The following CXCL9 variants were observed in gnomAD, a reference collection of about 807,000 sequenced individuals.
CXCL9 encodes C-X-C motif chemokine 9.
Under a neutral mutation model 11.7 loss-of-function variants are expected in CXCL9, and 8 were observed. The ratio of observed to expected loss-of-function variants is 0.68; its 90% CI spans 0.40 to 1.23. CXCL9 has a LOEUF of 1.23. Ranked by LOEUF, CXCL9 falls within the 50% of genes most tolerant of loss-of-function variation. The pLI is 0.01. For missense variants in CXCL9, 133 were observed against 141.7 expected (o/e 0.94, Z 0.31); for synonymous variants, 43 against 48.2 (o/e 0.89, Z 0.45).
chr4:76,006,560 C>T (rs974126547), intron 1 of CXCL9, among the ~76,000 whole-genome samples: 8 of 152,170 alleles, frequency 5.3e-5, no homozygotes, highest in African/African-American at 1.9e-4. Flanking sequence ...ACTACCACAC[C>T]GTAAGTCCGT....
Position 76,002,386 on chromosome 4 carries a change from T to A in CXCL9, c.*1212A>T, listed in dbSNP as rs909423934. The A allele has an allele frequency of 1.3e-5, 5 of 398,582 alleles. No individual in the cohort carries two copies. The highest frequency in any genetic ancestry group is 2.2e-5 in the Non-Finnish European group (5 of 226,026). 24.7% of individuals were successfully genotyped at this position (398,582 alleles called of 1,614,324 possible). On this transcript the variant is annotated 3_prime_UTR_variant, in exon 4 of 4. Transcript: ENST00000264888. ...ACATCCTGTCATAAAAAGACAAGGATGTTGCATCATCCCTGGTCCCTGTAG... is the reference window on the plus strand; with the variant it reads ...ACATCCTGTCATAAAAAGACAAGGAAGTTGCATCATCCCTGGTCCCTGTAG...
At position 76,004,490 on chromosome 4, in the gene CXCL9, A is replaced by G. The variant is rs149310759; in HGVS notation, c.276+319T>C. Among the ~76,000 whole-genome samples, 230 of 152,316 alleles carry G rather than the reference A, an allele frequency of 1.5e-3. 3 individuals are homozygous for G. Among genetic ancestry groups the G allele is most frequent in the African/African-American group, 5.1e-3 (212 of 41,558 alleles). On this transcript the variant is annotated intron_variant, in intron 3 of 3. Coordinates refer to ENST00000264888, the MANE Select transcript of CXCL9 (RefSeq NM_002416.3). ...TTGTACCATAATTATTAGCATATGC[A>G]CTACAACAGGAAGGGACTATACCTT...
chr4:76,003,120 T>A lies in CXCL9; in HGVS notation c.*478A>T, dbSNP rs1158063146. On this transcript the variant is annotated 3_prime_UTR_variant, in exon 4 of 4. Coordinates refer to ENST00000264888, the MANE Select transcript of CXCL9 (RefSeq NM_002416.3). ...ATTGTGTGTGAGGCCTGTAGGCTGATTCAAATACAGAGGTTGATGGCCACA... is the reference window on the plus strand; with the variant it reads ...ATTGTGTGTGAGGCCTGTAGGCTGAATCAAATACAGAGGTTGATGGCCACA... 3 of 155,468 alleles carry A rather than the reference T, an allele frequency of 1.9e-5. No individual in the cohort carries two copies. The highest frequency in any genetic ancestry group is 7.2e-5 in the African/African-American group (3 of 41,480). The allele number at this position is 155,468 out of a possible 1,614,324, so 9.6% of individuals were successfully genotyped here.
At chr4:76,005,051 T>G (rs1190098586) in intron 2 of CXCL9, 158 bp from the exon 3 acceptor site, 18 of 1,183,302 alleles carry the variant, frequency 1.5e-5, no homozygotes, top group Non-Finnish European at 1.9e-5. Flanking sequence ...TGAATTTTTT[T>G]TTTTTTCTTT....
rs747909938 is a variant in CXCL9, at chr4:76,007,460, TG to T, written c.-12del. On this transcript the variant is annotated 5_prime_UTR_variant, in exon 1 of 4. Coordinates refer to ENST00000264888, the MANE Select transcript of CXCL9 (RefSeq NM_002416.3). ...ACCACTTTTCTTCATAGTGATAGAATGGAGTTCCAAGTCACTCCTGTATTGG... is the reference window on the plus strand; with the variant it reads ...ACCACTTTTCTTCATAGTGATAGAATGAGTTCCAAGTCACTCCTGTATTGG... The T allele has an allele frequency of 2.0e-6, 3 of 1,531,314 alleles. No individual in the cohort carries two copies. In the East Asian group the frequency reaches 6.7e-5, roughly 34 times the overall value. 94.9% of individuals were successfully genotyped at this position (1,531,314 alleles called of 1,614,324 possible). A position where few individuals can be genotyped will look rare whatever the true frequency, so the allele number is the denominator to read the frequency against.
intron 2 of CXCL9, chr4:76,005,841 T>C (rs1731574584): frequency 4.2e-6 from 1 of 236,034 alleles, no homozygotes; most frequent in African/African-American, 2.3e-5. Flanking sequence ...TAGAAAACTG[T>C]ATACTAAGGG....
chr4:76,006,343 T>C (rs929733163), intron 1 of CXCL9, 69 bp from the exon 2 acceptor site: 2 of 1,463,186 alleles, frequency 1.4e-6, no homozygotes, highest in Admixed American at 1.9e-5. Context: ...TCTATCAAAA[T>C]GATACACTTG....
In CXCL9 at chr4:76,001,667, C is replaced by T. The variant is rs1164514683; in HGVS notation, c.*1931G>A. 1 of 152,116 alleles carries T rather than the reference C, an allele frequency of 6.6e-6. No homozygotes were observed. The highest frequency in any genetic ancestry group is 1.5e-5 in the Non-Finnish European group (1 of 68,042). 9.4% of individuals were successfully genotyped at this position (152,116 alleles called of 1,614,324 possible). A position where few individuals can be genotyped will look rare whatever the true frequency, so the allele number is the denominator to read the frequency against. On this transcript the variant is annotated 3_prime_UTR_variant, in exon 4 of 4. Coordinates refer to ENST00000264888, the MANE Select transcript of CXCL9 (RefSeq NM_002416.3). The stretch of plus-strand genomic sequence containing the variant: ...GTAGTCTTTGGTTGTTAGTTATATA[C>T]TGTCTACCTGTGAGATGCAAGGTAA...
chr4:76,006,116 G>C, intron 2 of CXCL9, 32 bp downstream of exon 2: 1 of 1,599,338 alleles, frequency 6.3e-7, no homozygotes, highest in South Asian at 1.1e-5. Flanking sequence ...TTGCCAATAT[G>C]GTGCATGCAT....
In CXCL9 at chr4:76,004,849, G is replaced by C. The variant is rs769576198; in HGVS notation, c.236C>G (p.Ser79Ter). 2 of 1,609,756 alleles carry C rather than the reference G, an allele frequency of 1.2e-6. No homozygotes were observed. The highest frequency in any genetic ancestry group is 1.7e-5 in the Admixed American group (1 of 59,306). Residue 79 changes from serine to a stop codon, truncating the protein, a stop_gained, in exon 3 of 4, where the codon TCA becomes TGA. Transcript: ENST00000264888. LOFTEE classifies it low-confidence loss of function (END_TRUNC). Reference sequence around the variant, plus strand: ...TTTAATCAGTTCCTTCACATCTGCTGAATCTGGGTTTAGACATGTTTGAAC... The same window carrying C: ...TTTAATCAGTTCCTTCACATCTGCTCAATCTGGGTTTAGACATGTTTGAAC... ...NGVQTCLNPD[S>*]ADVKELIKKW...
intron 1 of CXCL9, 36 bp downstream of exon 1, chr4:76,007,350 T>C: frequency 8.7e-7 from 1 of 1,154,588 alleles, no homozygotes. Context: ...AGTGAATCAC[T>C]TCTCTTACTT....
rs1192994684 is a variant in CXCL9 at position 76,002,438 on chromosome 4, A to G, written c.*1160T>C. ...GAGTGTCCTGAAGATAATAAGTAAG[A>G]GGTTACCAGAGGCTAGCCAACATGG... On this transcript the variant is annotated 3_prime_UTR_variant, in exon 4 of 4. Coordinates refer to ENST00000264888, the MANE Select transcript of CXCL9 (RefSeq NM_002416.3). 1 of 398,250 alleles carries G rather than the reference A, an allele frequency of 2.5e-6. No homozygotes were observed. Among genetic ancestry groups the G allele is most frequent in the Non-Finnish European group, 4.4e-6 (1 of 225,916 alleles). 24.7% of individuals were successfully genotyped at this position (398,250 alleles called of 1,614,324 possible).
At position 76,004,996 on chromosome 4, in the gene CXCL9, T is replaced by A. The variant is rs1731557918; in HGVS notation, c.192-103A>T. ...GTATGAATTGTGCTGAATTTTCTAATGAAACTACTTAAAATTATTTCCTAG... is the reference window on the plus strand; with the variant it reads ...GTATGAATTGTGCTGAATTTTCTAAAGAAACTACTTAAAATTATTTCCTAG... On this transcript the variant is annotated intron_variant, in intron 2 of 3. Transcript: ENST00000264888. 1.7e-5 allele frequency: 23 copies of A among 1,337,550 alleles called. No individual in the cohort carries two copies. The South Asian group carries it at 5.0e-4, about 29-fold the overall frequency. 82.9% of individuals were successfully genotyped at this position (1,337,550 alleles called of 1,614,324 possible).
In CXCL9 at chr4:76,006,181, G is replaced by A. The variant is rs768419249; in HGVS notation, c.158C>T (p.Ala53Val). The A allele has an allele frequency of 2.5e-6, 4 of 1,613,578 alleles. No homozygotes were observed. The African/African-American group carries it at 4.0e-5, about 16-fold the overall frequency. The change falls in exon 2 of 4, where the codon GCC becomes GTC. Residue 53 changes from alanine (A) to valine (V), a missense_variant. Physicochemically the swap from Ala to Val is moderately conservative, Grantham distance 64. Coordinates refer to ENST00000264888, the MANE Select transcript of CXCL9 (RefSeq NM_002416.3). The part of the protein sequence containing the change: ...LQSLKDLKQF[A>V]PSPSCEKIEI... ...AATTTTCTCGCAGGAAGGGCTTGGG[G>A]CAAATTGTTTAAGGTCTTTCAAGGA... is the stretch of plus-strand genomic sequence containing the variant.
intron 2 of CXCL9, chr4:76,005,396 A>G (rs1731566120): frequency 6.6e-6 from 1 of 152,290 alleles, no homozygotes; most frequent in South Asian, 2.1e-4. Flanking sequence ...AATAATTTAA[A>G]TGTTCCTTTA....
intron 1 of CXCL9, 53 bp from the exon 2 acceptor site, chr4:76,006,327 A>T: frequency 6.4e-7 from 1 of 1,552,682 alleles, no homozygotes; most frequent in Admixed American, 1.8e-5. Context: ...GTTTCAGTTT[A>T]GGTGATCTAT....
chr4:76,004,617 G>A (rs1731548727), intron 3 of CXCL9, among the ~76,000 whole-genome samples, 192 bp downstream of exon 3: 1 of 152,116 alleles, frequency 6.6e-6, no homozygotes, highest in South Asian at 2.1e-4. Flanking sequence ...TCTTCCAGTG[G>A]GAGACAGAGA....
At position 76,003,685 on chromosome 4, in the gene CXCL9, T is replaced by C. The variant is rs751580551; in HGVS notation, c.291A>G (p.Lys97=). The C allele has an allele frequency of 1.2e-4, 194 of 1,607,852 alleles. 1 individual carries two copies. The highest frequency in any genetic ancestry group is 1.7e-6 in the Non-Finnish European group (2 of 1,176,054). ...KKWEKQVSQK[K]KQKNGKKHQK... is the part of the protein sequence containing the mutation. ...GATGTTTTTTCCCATTCTTTTGCTT[T>C]TTCTTTTGGCTGACCTGTGAGAAGA... Residue 97 remains lysine, a synonymous_variant, in exon 4 of 4, where the codon AAA becomes AAG. Transcript: ENST00000264888.
At position 76,006,171 on chromosome 4, in the gene CXCL9, AG is replaced by A; in HGVS notation, c.167del (p.Pro56LeufsTer12). 2 of 1,613,616 alleles carry A rather than the reference AG, an allele frequency of 1.2e-6. No individual in the cohort carries two copies. Among genetic ancestry groups the A allele is most frequent in the Non-Finnish European group, 1.7e-6 (2 of 1,179,594 alleles). On this transcript the variant is annotated frameshift_variant, in exon 2 of 4. Transcript: ENST00000264888. LOFTEE classifies it high-confidence loss of function. ...ACATGATTTCAATTTTCTCGCAGGA[AG>A]GGCTTGGGGCAAATTGTTTAAGGTC... ...LKDLKQFAPS[P>X]SCEKIEIIAT...
Sources: gnomAD v4.1 joint callset for allele counts (sites outside exome capture counted in the v4.1 genomes callset) on GRCh38, gnomAD v4.1.1 for gene constraint, MANE v1.5 for transcripts, NCBI Gene and HGNC (gene_info 2026-07-23, HGNC 2026-07-21) for gene names.